KCMF1: variants seen among roughly 807,000 people sequenced by gnomAD.
KCMF1 encodes E3 ubiquitin-protein ligase KCMF1.
KCMF1 carries 3 observed loss-of-function variants against 41.1 expected under a neutral mutation model. The ratio of observed to expected loss-of-function variants is 0.07; its 90% CI spans 0.03 to 0.19. The LOEUF (loss-of-function observed/expected upper bound fraction) is 0.19. Ranked by LOEUF, KCMF1 falls within the 10% of genes least tolerant of loss-of-function variation. The pLI is 1.00. For missense variants in KCMF1, 286 were observed against 488.9 expected, an observed-to-expected ratio of 0.58 and a Z score of 3.91; for synonymous variants, 142 against 164.5, an observed-to-expected ratio of 0.86 and a Z score of 1.04.
intron 1 of KCMF1, among the ~76,000 whole-genome samples, chr2:84,978,745 C>T (rs552302840): frequency 2.6e-5 from 4 of 151,452 alleles, no homozygotes; most frequent in African/African-American, 4.8e-5. Context: ...GATGGAGTTT[C>T]GCTCCTGTTG....
At chr2:85,017,048 C>T (rs1255786710) in intron 1 of KCMF1, among the ~76,000 whole-genome samples, 9 of 131,644 alleles carry the variant, frequency 6.8e-5, no homozygotes, top group Non-Finnish European at 3.1e-5. Flanking sequence ...GATGGAGTCT[C>T]GCTCTGTCGC....
chr2:85,017,687 CCT>C (rs1306490054), intron 1 of KCMF1, among the ~76,000 whole-genome samples: 1 of 151,914 alleles, frequency 6.6e-6, no homozygotes, highest in Non-Finnish European at 1.5e-5. Context: ...TTCTTTTTTC[CCT>C]GTGTTTCTTG....
intron 3 of KCMF1, among the ~76,000 whole-genome samples, chr2:85,037,780 C>A (rs1675437767): frequency 6.6e-6 from 1 of 152,192 alleles, no homozygotes; most frequent in Admixed American, 6.5e-5. Flanking sequence ...TTCCCCAACC[C>A]CTGGGCCACG....
intron 1 of KCMF1, among the ~76,000 whole-genome samples, chr2:85,026,071 A>G (rs1256106982): frequency 1.3e-5 from 2 of 151,798 alleles, no homozygotes; most frequent in Non-Finnish European, 2.9e-5. Context: ...GCTCACTGCA[A>G]CCTCCGTCTC....
chr2:84,990,608 A>C (rs1674019186), intron 1 of KCMF1, among the ~76,000 whole-genome samples: 1 of 152,066 alleles, frequency 6.6e-6, no homozygotes, highest in Non-Finnish European at 1.5e-5. Flanking sequence ...CAGGAGTTTG[A>C]GACCAGCCTG....
At position 85,043,722 on chromosome 2, in the gene KCMF1, T is replaced by G. The variant is rs965872283; in HGVS notation, c.426+57T>G. On this transcript the variant is annotated intron_variant, in intron 4 of 6. Transcript: ENST00000409785. ...TTGTTTGTAATGTTTGTCATTTTGA[T>G]TTTTTGTTTTGGAGACAAGATCTCG... is the stretch of plus-strand genomic sequence containing the variant. The G allele has an allele frequency of 3.7e-5, 47 of 1,270,102 alleles. No homozygotes were observed. The Admixed American group carries it at 7.2e-4, about 20-fold the overall frequency. 78.7% of individuals were successfully genotyped at this position (1,270,102 alleles called of 1,614,324 possible).
rs185305362 is a variant in KCMF1 at position 84,997,973 on chromosome 2, A to T, written c.16+26506A>T. Among the ~76,000 whole-genome samples the T allele has an allele frequency of 4.0e-5, 6 of 151,346 alleles. No individual in the cohort carries two copies. In the East Asian group the frequency reaches 1.2e-3, roughly 29 times the overall value. ...TTTTTAGTAGAGACAGGGTTTCTCC[A>T]TGTTGGCCAGGCTGGTCTTGAACTC... is the stretch of plus-strand genomic sequence containing the variant. On this transcript the variant is annotated intron_variant, in intron 1 of 6. Coordinates refer to ENST00000409785, the MANE Select transcript of KCMF1 (RefSeq NM_020122.5).
intron 1 of KCMF1, among the ~76,000 whole-genome samples, chr2:84,975,900 T>C (rs1336720584): frequency 6.6e-6 from 1 of 152,246 alleles, no homozygotes; most frequent in Non-Finnish European, 1.5e-5. Context: ...CCTAATTGAT[T>C]ACCTGGATCT....
intron 1 of KCMF1, among the ~76,000 whole-genome samples, chr2:85,003,155 A>G (rs1320315988): frequency 6.6e-6 from 1 of 152,178 alleles, no homozygotes; most frequent in Non-Finnish European, 1.5e-5. Flanking sequence ...TCCAAAGGCA[A>G]AACTTTGTAC....
rs1177362931 is a variant in KCMF1, at chr2:85,053,942, A to C, written c.*533A>C. 6.6e-6 allele frequency: 1 copy of C among 152,452 alleles called. No homozygotes were observed. Among genetic ancestry groups the C allele is most frequent in the Admixed American group, 6.5e-5 (1 of 15,282 alleles). The allele number at this position is 152,452 out of a possible 1,614,324, so 9.4% of individuals were successfully genotyped here. ...CTTTTGAATAATGTCTGCCTGAATC[A>C]CCTTTCTTTGTGTGCCTCCTACGCA... On this transcript the variant is annotated 3_prime_UTR_variant, in exon 7 of 7. Transcript: ENST00000409785.
intron 1 of KCMF1, among the ~76,000 whole-genome samples, chr2:84,986,660 G>A (rs962139979): frequency 2.0e-5 from 3 of 151,634 alleles, no homozygotes; most frequent in Non-Finnish European, 1.5e-5. Flanking sequence ...GGTGGATCAC[G>A]AGGTCAGGAG....
Position 84,971,436 on chromosome 2 carries a change from C to T in KCMF1, c.-16C>T. 3 of 1,263,776 alleles carry T rather than the reference C, an allele frequency of 2.4e-6. No homozygotes were observed. The highest frequency in any genetic ancestry group is 3.0e-6 in the Non-Finnish European group (3 of 984,238). 78.3% of individuals were successfully genotyped at this position (1,263,776 alleles called of 1,614,324 possible). A position where few individuals can be genotyped will look rare whatever the true frequency, so the allele number is the denominator to read the frequency against. ...CGGAGCCCGGGAGGGGCCGCGCCGC[C>T]ACCGTCTGAACTAGGATGTCCCGAC... On this transcript the variant is annotated 5_prime_UTR_variant, in exon 1 of 7. Transcript: ENST00000409785.
intron 1 of KCMF1, among the ~76,000 whole-genome samples, chr2:84,999,500 G>A (rs2103988084): frequency 6.6e-6 from 1 of 152,298 alleles, no homozygotes. Context: ...TTATCCTGAA[G>A]TAAGGTTAAT....
At chr2:85,006,723 T>C (rs913453944) in intron 1 of KCMF1, among the ~76,000 whole-genome samples, 1 of 152,246 alleles carries the variant, frequency 6.6e-6, no homozygotes, top group Admixed American at 6.5e-5. Flanking sequence ...GTGTGTGAAA[T>C]GTGTCATAAC....
rs1033183092 is a variant in KCMF1 at position 85,048,113 on chromosome 2, T to G, written c.602-1253T>G. 2.0e-4 allele frequency among the ~76,000 whole-genome samples: 31 copies of G among 151,780 alleles called. 1 individual carries two copies. The highest frequency in any genetic ancestry group is 9.8e-4 in the Admixed American group (15 of 15,256). ...GTACCCCCAAACCTAAAATAAAAAT[T>G]TAAAAAAGAAAAACAACCTAAGAAC... is the stretch of plus-strand genomic sequence containing the variant. On this transcript the variant is annotated intron_variant, in intron 5 of 6. Transcript: ENST00000409785.
chr2:85,017,529 C>G (rs2104013242), intron 1 of KCMF1, among the ~76,000 whole-genome samples: 1 of 152,252 alleles, frequency 6.6e-6, no homozygotes, highest in Non-Finnish European at 1.5e-5. Context: ...AATACACAGA[C>G]ATTTCACAGA....
intron 1 of KCMF1, among the ~76,000 whole-genome samples, chr2:85,012,677 G>A (rs1674680319): frequency 6.6e-6 from 1 of 152,128 alleles, no homozygotes; most frequent in South Asian, 2.1e-4. Flanking sequence ...TCCTAAACCA[G>A]ACATAAACCA....
chr2:85,015,606 T>C (rs1372173928), intron 1 of KCMF1, among the ~76,000 whole-genome samples: 1 of 152,188 alleles, frequency 6.6e-6, no homozygotes, highest in Non-Finnish European at 1.5e-5. Flanking sequence ...AGTTCCTCTA[T>C]ACTGAAAACT....
At chr2:85,004,429 G>A (rs1284388968) in intron 1 of KCMF1, among the ~76,000 whole-genome samples, 1 of 151,814 alleles carries the variant, frequency 6.6e-6, no homozygotes, top group East Asian at 1.9e-4. Flanking sequence ...GGAGAATGGC[G>A]TGAACCCAGG....
Sources: gnomAD v4.1 joint callset for allele counts (sites outside exome capture counted in the v4.1 genomes callset) on GRCh38, gnomAD v4.1.1 for gene constraint, MANE v1.5 for transcripts, NCBI Gene and HGNC (gene_info 2026-07-23, HGNC 2026-07-21) for gene names.